The following NDST3 variants were observed in gnomAD, a reference collection of about 807,000 sequenced individuals.
NDST3 encodes the protein bifunctional heparan sulfate N-deacetylase/N-sulfotransferase 3.
NDST3 carries 58 observed loss-of-function variants against 96.1 expected under a neutral mutation model. The ratio of observed to expected loss-of-function variants is 0.60; its 90% CI spans 0.49 to 0.75. The LOEUF is 0.75. Ranked by LOEUF, NDST3 falls within the 30% of genes least tolerant of loss-of-function variation. The pLI is 0.00. For missense variants in NDST3, 788 were observed against 1,034.2 expected, an observed-to-expected ratio of 0.76 and a Z score of 3.27; for synonymous variants, 333 against 359.7, an observed-to-expected ratio of 0.93 and a Z score of 0.84.
At chr4:118,086,590 A>G (rs1728441576) in intron 2 of NDST3, among the ~76,000 whole-genome samples, 1 of 152,158 alleles carries the variant, frequency 6.6e-6, no homozygotes, top group African/African-American at 2.4e-5. Flanking sequence ...AGGACAAAAA[A>G]TCACATTTAG....
At chr4:118,189,031 A>G (rs1737139550) in intron 6 of NDST3, among the ~76,000 whole-genome samples, 1 of 152,110 alleles carries the variant, frequency 6.6e-6, no homozygotes, top group Non-Finnish European at 1.5e-5. Flanking sequence ...TTTAGAACAT[A>G]TATTAATAAT....
At chr4:118,127,724 GA>G (rs1459744238) in intron 4 of NDST3, among the ~76,000 whole-genome samples, 2 of 151,892 alleles carry the variant, frequency 1.3e-5, no homozygotes, top group African/African-American at 4.8e-5. Flanking sequence ...TATATTTTGT[GA>G]AAAATATCAT....
chr4:118,193,599 C>G, intron 6 of NDST3: 2 of 1,199,342 alleles, frequency 1.7e-6, no homozygotes, highest in East Asian at 4.7e-5. Context: ...TGCTGGCACA[C>G]AGCCAGCTGG....
intron 4 of NDST3, among the ~76,000 whole-genome samples, chr4:118,135,676 A>G (rs983201515): frequency 7.2e-5 from 11 of 152,140 alleles, no homozygotes; most frequent in African/African-American, 2.7e-4. Flanking sequence ...TCCAGAAGCG[A>G]TGTTTTCTGC....
intron 2 of NDST3, among the ~76,000 whole-genome samples, chr4:118,072,011 A>AT (rs1727117521): frequency 6.6e-6 from 1 of 151,580 alleles, no homozygotes; most frequent in Non-Finnish European, 1.5e-5. Flanking sequence ...GATGTTGAAC[A>AT]TTTTTTATAT....
At chr4:118,044,605 C>T (rs1385903078) in intron 1 of NDST3, among the ~76,000 whole-genome samples, 1 of 152,196 alleles carries the variant, frequency 6.6e-6, no homozygotes, top group African/African-American at 2.4e-5. Context: ...TAATTCTTGT[C>T]CCAGAAAAAT....
At chr4:118,193,888 G>T (rs1737485698) in intron 6 of NDST3, 1 of 1,025,550 alleles carries the variant, frequency 9.8e-7, no homozygotes, top group Admixed American at 1.8e-5. Context: ...ATTCTACCCA[G>T]GACACAATCC....
Position 118,253,609 on chromosome 4 carries a change from T to C in NDST3, c.2502+8T>C, listed in dbSNP as rs751322875. 47 of 1,566,600 alleles carry C rather than the reference T, an allele frequency of 3.0e-5. No homozygotes were observed. The East Asian group carries it at 3.6e-4, about 12-fold the overall frequency. On this transcript the variant is annotated splice_region_variant and intron_variant, in intron 13 of 13. Coordinates refer to ENST00000296499, the MANE Select transcript of NDST3 (RefSeq NM_004784.3). ...CCTCCAATGGATTCTGATGTAAGCA[T>C]AGACCTTAAAAATACAAACTAAATC...
intron 6 of NDST3, among the ~76,000 whole-genome samples, chr4:118,163,612 G>A (rs1032888185): frequency 2.6e-5 from 4 of 152,054 alleles, no homozygotes; most frequent in Non-Finnish European, 4.4e-5. Flanking sequence ...GGGGTCGGGG[G>A]AGAGGGGAGG....
At chr4:118,180,776 A>C (rs1021180796) in intron 6 of NDST3, among the ~76,000 whole-genome samples, 1 of 152,120 alleles carries the variant, frequency 6.6e-6, no homozygotes, top group African/African-American at 2.4e-5. Context: ...ACCAGCTTAT[A>C]CTTTTACAGT....
chr4:118,183,564 T>C (rs1412636145), intron 6 of NDST3, among the ~76,000 whole-genome samples: 5 of 152,072 alleles, frequency 3.3e-5, no homozygotes, highest in African/African-American at 1.2e-4. Flanking sequence ...ACTCCTATCA[T>C]TTGGGAAATT....
intron 9 of NDST3, among the ~76,000 whole-genome samples, chr4:118,235,062 A>AAAGAAGGAAGGAAGGC (rs1740550152): frequency 6.6e-6 from 1 of 150,780 alleles, no homozygotes; most frequent in African/African-American, 2.4e-5. Flanking sequence ...GGAAGGAAGG[A>AAAGAAGGAAGGAAGGC]AGGACTGACT....
chr4:118,216,160 A>G (rs969523379), intron 6 of NDST3, among the ~76,000 whole-genome samples: 2 of 152,156 alleles, frequency 1.3e-5, no homozygotes, highest in African/African-American at 2.4e-5. Context: ...GAAAGCAGAA[A>G]GATGATTTGG....
intron 10 of NDST3, among the ~76,000 whole-genome samples, chr4:118,240,264 G>T (rs1217669866): frequency 6.6e-6 from 1 of 152,068 alleles, no homozygotes; most frequent in East Asian, 1.9e-4. Flanking sequence ...AAACAACTCA[G>T]TAATGCTGGT....
intron 3 of NDST3, 148 bp from the exon 4 acceptor site, chr4:118,114,658 T>C: frequency 2.8e-6 from 2 of 715,000 alleles, no homozygotes; most frequent in Non-Finnish European, 4.5e-6. Context: ...TTTTCCTTGA[T>C]ACATTTGGGT....
chr4:118,221,152 T>C (rs1013402999), intron 6 of NDST3, among the ~76,000 whole-genome samples: 4 of 151,972 alleles, frequency 2.6e-5, no homozygotes, highest in Non-Finnish European at 5.9e-5. Context: ...CATAAACCTT[T>C]TGAACCTATG....
intron 11 of NDST3, 23 bp downstream of exon 11, chr4:118,240,717 A>T (rs1740954460): frequency 6.2e-7 from 1 of 1,602,252 alleles, no homozygotes; most frequent in African/African-American, 1.3e-5. Context: ...AAGGATTTAC[A>T]TCATGTTAGA....
chr4:118,050,191 A>G (rs913846516), intron 1 of NDST3, among the ~76,000 whole-genome samples: 9 of 152,112 alleles, frequency 5.9e-5, no homozygotes, highest in Non-Finnish European at 8.8e-5. Flanking sequence ...TACCTTCATG[A>G]TAAAAACCCT....
chr4:118,044,786 G>A (rs1029820327), intron 1 of NDST3, among the ~76,000 whole-genome samples: 1 of 152,144 alleles, frequency 6.6e-6, no homozygotes, highest in African/African-American at 2.4e-5. Context: ...TCATCTCATG[G>A]TGGAAGGTTG....
Sources: gnomAD v4.1 joint callset for allele counts (sites outside exome capture counted in the v4.1 genomes callset) on GRCh38, gnomAD v4.1.1 for gene constraint, MANE v1.5 for transcripts, NCBI Gene and HGNC (gene_info 2026-07-23, HGNC 2026-07-21) for gene names.